The following CPS1 variants were observed in gnomAD, a reference collection of about 807,000 sequenced individuals.
The protein encoded by CPS1 is carbamoyl-phosphate synthase 1.
In CPS1, 109 loss-of-function variants were observed where a neutral mutation model predicts 174.6. The observed-to-expected ratio is 0.62, with a 90% CI of 0.53 to 0.73. CPS1 has a LOEUF of 0.73. Among genes scored for constraint, CPS1 ranks in the 30% least tolerant of loss-of-function variants. The pLI, the probability that CPS1 is intolerant of heterozygous loss-of-function variation, is 0.00. For missense variants in CPS1, 1,689 were observed against 1,821.9 expected (o/e 0.93, Z 1.33); for synonymous variants, 637 against 632.0 (o/e 1.01, Z -0.12).
chr2:210,585,888 G>A (rs1267013294), intron 6 of CPS1, among the ~76,000 whole-genome samples: 5 of 151,632 alleles, frequency 3.3e-5, no homozygotes, highest in African/African-American at 1.2e-4. Flanking sequence ...ACAAAACCTT[G>A]TCATTGAGAG....
At chr2:210,517,277 T>G (rs939221223) in intron 1 of CPS1, among the ~76,000 whole-genome samples, 1 of 152,002 alleles carries the variant, frequency 6.6e-6, no homozygotes, top group Admixed American at 6.6e-5. Context: ...TAATATACTT[T>G]ATTGGTGCAT....
intron 15 of CPS1, among the ~76,000 whole-genome samples, chr2:210,601,967 C>T (rs1034989913): frequency 3.3e-5 from 5 of 151,728 alleles, no homozygotes; most frequent in Admixed American, 6.6e-5. Flanking sequence ...TAAAATTTAC[C>T]GCAAAAGTGT....
In CPS1 at chr2:210,648,073, A is replaced by C. The variant is rs752580202; in HGVS notation, c.3336+16A>C. The C allele has an allele frequency of 1.9e-6, 3 of 1,607,690 alleles. No individual in the cohort carries two copies. The African/African-American group carries it at 4.0e-5, about 21-fold the overall frequency. Reference sequence around the variant, plus strand: ...TAATACTTTGGTAAGGAGAGAAACAAGTATCTGTTTCTAATGTTCTATTTT... The same window carrying C: ...TAATACTTTGGTAAGGAGAGAAACACGTATCTGTTTCTAATGTTCTATTTT... On this transcript the variant is annotated intron_variant, in intron 26 of 37. Coordinates refer to ENST00000233072, the MANE Select transcript of CPS1 (RefSeq NM_001875.5).
chr2:210,644,418 G>T (rs1239769563), intron 25 of CPS1, among the ~76,000 whole-genome samples: 4 of 151,944 alleles, frequency 2.6e-5, no homozygotes, highest in Non-Finnish European at 2.9e-5. Flanking sequence ...CAGAATTGAG[G>T]TTCATTTATA....
Position 210,602,254 on chromosome 2 carries a change from G to A in CPS1, c.1760G>A (p.Arg587His), listed in dbSNP as rs1553512642. 6.8e-6 allele frequency: 11 copies of A among 1,612,480 alleles called. No individual in the cohort carries two copies. The highest frequency in any genetic ancestry group is 1.1e-5 in the South Asian group (1 of 91,070). ...ACCATTGGCTACCCAGTGATGATCC[G>A]TTCCGCCTATGCACTGGGTGGGTTA... ...ADTIGYPVMI[R>H]SAYALGGLGS... Residue 587 changes from arginine to histidine, a missense_variant, in exon 16 of 38, where the codon CGT becomes CAT. By Grantham distance (29) the Arg-to-His change is conservative. Coordinates refer to ENST00000233072, the MANE Select transcript of CPS1 (RefSeq NM_001875.5).
At position 210,678,673 on chromosome 2, in the gene CPS1, A is replaced by C. The variant is rs977889669; in HGVS notation, c.*688A>C. The C allele has an allele frequency of 8.5e-5, 13 of 152,958 alleles. No homozygotes were observed. The highest frequency in any genetic ancestry group is 7.2e-4 in the Admixed American group (11 of 15,326). 9.5% of individuals were successfully genotyped at this position (152,958 alleles called of 1,614,324 possible). On this transcript the variant is annotated 3_prime_UTR_variant, in exon 38 of 38. Transcript: ENST00000233072. ...AGTGGCACAATCTCGGCTCACTGCA[A>C]TTTCCGTCTCCCAAGTTCAAGCGAT... is the stretch of plus-strand genomic sequence containing the variant.
At chr2:210,558,259 T>C (rs141878775) in intron 1 of CPS1, among the ~76,000 whole-genome samples, 20 of 152,220 alleles carry the variant, frequency 1.3e-4, no homozygotes, top group African/African-American at 4.8e-4. Context: ...TAAATGGACA[T>C]CATGTTTTAA....
intron 1 of CPS1, among the ~76,000 whole-genome samples, chr2:210,513,151 G>T (rs1365408615): frequency 1.4e-5 from 2 of 140,990 alleles, no homozygotes; most frequent in South Asian, 2.2e-4. Context: ...TATATGGGGA[G>T]ATATATATAT....
chr2:210,613,127 A>G (rs113176405), intron 20 of CPS1, among the ~76,000 whole-genome samples: 11 of 151,878 alleles, frequency 7.2e-5, no homozygotes, highest in African/African-American at 4.8e-5. Flanking sequence ...ATGTGTGTGC[A>G]TGTGGGATGA....
chr2:210,644,245 A>G (rs1472319020), intron 25 of CPS1, among the ~76,000 whole-genome samples: 2 of 152,062 alleles, frequency 1.3e-5, no homozygotes, highest in Non-Finnish European at 2.9e-5. Flanking sequence ...TAGTATTACT[A>G]TATATTAGGA....
chr2:210,568,077 C>T (rs1187288630), intron 1 of CPS1, among the ~76,000 whole-genome samples: 5 of 152,072 alleles, frequency 3.3e-5, no homozygotes, highest in Non-Finnish European at 1.5e-5. Context: ...CCAGATGTAA[C>T]ATTGAGAAGT....
At chr2:210,668,331 G>A in intron 34 of CPS1, 47 bp downstream of exon 34, 3 of 1,267,258 alleles carry the variant, frequency 2.4e-6, no homozygotes, top group East Asian at 4.6e-5. Flanking sequence ...TACATGGTGA[G>A]TGGGGAGGGG....
At chr2:210,481,215 A>G (rs1269887282) in intron 1 of CPS1, among the ~76,000 whole-genome samples, 2 of 152,212 alleles carry the variant, frequency 1.3e-5, no homozygotes, top group Non-Finnish European at 2.9e-5. Context: ...TCCTTTCTCC[A>G]CCTAACACTT....
rs182409497 is a variant in CPS1 at position 210,502,677 on chromosome 2, G to T, written c.3+24911G>T. ...AACTCCACTCTAAAGGGAAGTCATA[G>T]TTCCTGGGTCTGAGTGGTGCTTCTT... is the stretch of plus-strand genomic sequence containing the variant. On this transcript the variant is annotated intron_variant, in intron 1 of 38. Coordinates refer to the CPS1 transcript ENST00000430249. Among the ~76,000 whole-genome samples the T allele has an allele frequency of 3.3e-3, 496 of 152,134 alleles. 3 individuals are homozygous for T. Among genetic ancestry groups the T allele is most frequent in the Non-Finnish European group, 5.9e-3 (403 of 67,984 alleles).
In CPS1 at chr2:210,623,841, C is replaced by G. The variant is rs528554636; in HGVS notation, c.2687+7300C>G. ...CTTGCTCATGAGGCATGGCAAAAAT[C>G]AGGCAAGAACGTTTTGTGCTTATGC... On this transcript the variant is annotated intron_variant, in intron 21 of 37. Transcript: ENST00000233072. Among the ~76,000 whole-genome samples, 94 of 152,204 alleles carry G rather than the reference C, an allele frequency of 6.2e-4. 1 individual carries two copies. The South Asian group carries it at 7.1e-3, about 11-fold the overall frequency.
Position 210,590,836 on chromosome 2 carries a change from A to G in CPS1, c.877A>G (p.Ile293Val), listed in dbSNP as rs756996491. The change falls in exon 9 of 38, where the codon ATC becomes GTC. Residue 293 changes from isoleucine to valine, a missense_variant. Coordinates refer to ENST00000233072, the MANE Select transcript of CPS1 (RefSeq NM_001875.5). Reference sequence around the variant, plus strand: ...TGATCGCAAGGAGCCATTGTTTGGAATCAGTACAGGAAACTTAATAACAGG... The same window carrying G: ...TGATCGCAAGGAGCCATTGTTTGGAGTCAGTACAGGAAACTTAATAACAGG... Reference protein sequence around the residue: ...ESDRKEPLFGISTGNLITGLA... With the variant: ...ESDRKEPLFGVSTGNLITGLA... 6.2e-7 allele frequency: 1 copy of G among 1,611,258 alleles called. No individual in the cohort carries two copies. The highest frequency in any genetic ancestry group is 8.5e-7 in the Non-Finnish European group (1 of 1,178,142).
intron 1 of CPS1, among the ~76,000 whole-genome samples, chr2:210,541,852 T>C (rs1696440662): frequency 6.6e-6 from 1 of 152,106 alleles, no homozygotes; most frequent in Admixed American, 6.6e-5. Context: ...GATCATGGAG[T>C]ATCAGGGTTG....
At chr2:210,531,760 A>C (rs145959257) in intron 1 of CPS1, among the ~76,000 whole-genome samples, 44 of 152,298 alleles carry the variant, frequency 2.9e-4, no homozygotes, top group Middle Eastern at 3.4e-3. Context: ...CTTTAGCTAG[A>C]TGGTAGGATC....
chr2:210,521,065 C>A (rs559783569), intron 1 of CPS1, among the ~76,000 whole-genome samples: 2 of 152,008 alleles, frequency 1.3e-5, no homozygotes, highest in Non-Finnish European at 2.9e-5. Flanking sequence ...TTCCCACCAG[C>A]AGTGTATAGG....
Sources: allele counts gnomAD v4.1 joint callset (sites outside exome capture counted in the v4.1 genomes callset), GRCh38; gene constraint gnomAD v4.1.1; transcripts MANE v1.5; gene names NCBI Gene and HGNC (gene_info 2026-07-23, HGNC 2026-07-21).